LCORL: variants seen among roughly 807,000 people sequenced by gnomAD.
LCORL encodes the protein ligand-dependent nuclear receptor corepressor-like protein.
In LCORL, 41 loss-of-function variants were observed where a neutral mutation model predicts 141.8. That is an observed-to-expected ratio of 0.29 (90% confidence interval 0.23 to 0.38). The LOEUF (loss-of-function observed/expected upper bound fraction) is 0.38. Ranked by LOEUF, LCORL falls within the 10% of genes least tolerant of loss-of-function variation. The probability of loss-of-function intolerance (pLI) is 1.00; values close to 1 mark genes in which losing one functional copy is unlikely to be tolerated. For missense variants in LCORL, 1,759 were observed against 2,035.0 expected, an observed-to-expected ratio of 0.86 and a Z score of 2.61; for synonymous variants, 618 against 694.1, an observed-to-expected ratio of 0.89 and a Z score of 1.72.
At chr4:18,011,685 CT>C (rs1253695826) in intron 1 of LCORL, among the ~76,000 whole-genome samples, 2 of 152,156 alleles carry the variant, frequency 1.3e-5, no homozygotes, top group African/African-American at 4.8e-5. Context: ...CCAAATCCAC[CT>C]ATTTTTATAA....
chr4:18,021,713 G>GCGGCGGCAGCAGCC lies in LCORL; in HGVS notation c.38_39insGGCTGCTGCCGCCG (p.Ala19LeufsTer38). On this transcript the variant is annotated frameshift_variant, in exon 1 of 8. Transcript: ENST00000635767. LOFTEE classifies it high-confidence loss of function. This position sits in a 1 kb window ranked among gnomAD's most constrained non-coding sequence, Gnocchi z 5.5. ...CGGCGGCGGCGGCGGCGGCAGCAGC[G>GCGGCGGCAGCAGCC]GCGGCGGCAGCGGCCATTCTCTCTC... is the stretch of plus-strand genomic sequence containing the variant. 6.6e-7 allele frequency: 1 copy of GCGGCGGCAGCAGCC among 1,525,396 alleles called. No individual in the cohort carries two copies. 94.5% of individuals were successfully genotyped at this position (1,525,396 alleles called of 1,614,324 possible).
chr4:17,977,747 A>G (rs950340288), intron 1 of LCORL, among the ~76,000 whole-genome samples: 3 of 152,194 alleles, frequency 2.0e-5, no homozygotes, highest in Non-Finnish European at 4.4e-5. Flanking sequence ...GGTGTTTCCC[A>G]AAGAACAACA....
chr4:17,875,458 T>C (rs935172165), exon 7 of LCORL: 2 of 1,231,456 alleles, frequency 1.6e-6, no homozygotes, highest in Non-Finnish European at 2.0e-6. Flanking sequence ...TTATATTCAG[T>C]TGGAAAATCA....
In LCORL at chr4:17,858,989, C is replaced by G. The variant is rs1027677180; in HGVS notation, c.5603-13088G>C. Among the ~76,000 whole-genome samples, 7 of 152,202 alleles carry G rather than the reference C, an allele frequency of 4.6e-5. No individual in the cohort carries two copies. In the East Asian group the frequency reaches 1.4e-3, roughly 29 times the overall value. On this transcript the variant is annotated intron_variant, in intron 7 of 7. Coordinates refer to ENST00000635767, the Ensembl canonical transcript of LCORL. ...CTTCTGAAACAATACAAGCAAGAAGCAAGTAGAACAATATCTGTAAAGTAC... is the reference window on the plus strand; with the variant it reads ...CTTCTGAAACAATACAAGCAAGAAGGAAGTAGAACAATATCTGTAAAGTAC...
chr4:17,898,815 C>T (rs1730402055), intron 5 of LCORL, among the ~76,000 whole-genome samples: 1 of 152,064 alleles, frequency 6.6e-6, no homozygotes, highest in Non-Finnish European at 1.5e-5. Context: ...CATATTTGTG[C>T]AGGTGTAATT....
chr4:17,896,251 C>T (rs1380008030), intron 5 of LCORL, among the ~76,000 whole-genome samples: 1 of 152,070 alleles, frequency 6.6e-6, no homozygotes, highest in African/African-American at 2.4e-5. Flanking sequence ...CAATGTCTTT[C>T]TTTCTTTCTT....
chr4:17,888,998 C>G (rs1728692183), intron 5 of LCORL, among the ~76,000 whole-genome samples: 1 of 152,080 alleles, frequency 6.6e-6, no homozygotes, highest in South Asian at 2.1e-4. Flanking sequence ...CTCTCTTAGA[C>G]TTGATATGCT....
chr4:17,948,002 G>A (rs946678655), intron 4 of LCORL, among the ~76,000 whole-genome samples: 2 of 151,964 alleles, frequency 1.3e-5, no homozygotes, highest in African/African-American at 4.8e-5. Context: ...AACAGGAAAT[G>A]AGAAGCAGCA....
At position 17,954,120 on chromosome 4, in the gene LCORL, G is replaced by A. The variant is rs1232619580; in HGVS notation, c.430+7783C>T. ...GGAGCTTGCAGTGAGCCGAGATTGC[G>A]CTACTGCACTCCAGCCTGGGCAACA... is the stretch of plus-strand genomic sequence containing the variant. On this transcript the variant is annotated intron_variant, in intron 4 of 7. Coordinates refer to ENST00000635767, the Ensembl canonical transcript of LCORL. 2.6e-5 allele frequency among the ~76,000 whole-genome samples: 4 copies of A among 152,106 alleles called. No homozygotes were observed. In the East Asian group the frequency reaches 5.8e-4, roughly 22 times the overall value.
At chr4:17,990,549 A>T (rs558463715) in intron 1 of LCORL, among the ~76,000 whole-genome samples, 25 of 151,762 alleles carry the variant, frequency 1.6e-4, no homozygotes, top group Admixed American at 7.9e-4. Flanking sequence ...GGGCTGTCTT[A>T]GAATTCTGCC....
At chr4:17,880,592 T>C in intron 6 of LCORL, 1 of 968,416 alleles carries the variant, frequency 1.0e-6, no homozygotes, top group Non-Finnish European at 1.2e-6. Flanking sequence ...CAAGTCAGTG[T>C]AGTCAGTTTT....
intron 5 of LCORL, among the ~76,000 whole-genome samples, chr4:17,889,897 A>G (rs1728841278): frequency 6.6e-6 from 1 of 152,088 alleles, no homozygotes; most frequent in African/African-American, 2.4e-5. Flanking sequence ...TCTGTTTAAA[A>G]TCAACTCTTG....
intron 4 of LCORL, among the ~76,000 whole-genome samples, chr4:17,949,377 T>C (rs1739376192): frequency 6.6e-6 from 1 of 152,134 alleles, no homozygotes; most frequent in Non-Finnish European, 1.5e-5. Flanking sequence ...CCTCAGGTCA[T>C]GCAGACTTGT....
intron 1 of LCORL, among the ~76,000 whole-genome samples, chr4:17,980,127 A>G (rs1022128891): frequency 8.5e-5 from 13 of 152,196 alleles, no homozygotes; most frequent in African/African-American, 3.1e-4. Context: ...CTCCAGAACT[A>G]TAAGATACTA....
At chr4:17,954,820 A>T (rs1259899538) in intron 4 of LCORL, among the ~76,000 whole-genome samples, 1 of 152,214 alleles carries the variant, frequency 6.6e-6, no homozygotes, top group Non-Finnish European at 1.5e-5. Flanking sequence ...GTCACGAGTG[A>T]TACCTTTCAC....
At chr4:17,983,037 C>A (rs1379612472) in intron 1 of LCORL, among the ~76,000 whole-genome samples, 1 of 152,140 alleles carries the variant, frequency 6.6e-6, no homozygotes, top group African/African-American at 2.4e-5. Context: ...TTCCCCATTA[C>A]TTGTTTTTGT....
At chr4:17,912,630 T>C (rs16898463) in intron 4 of LCORL, 17,136 of 393,982 alleles carry the variant, frequency 0.043, 1,152 homozygotes, top group African/African-American at 0.21. Flanking sequence ...GACCTGGACT[T>C]GATGAGAAAT....
rs1560278109 is a variant in LCORL, at chr4:17,876,707, CAA to C, written c.2281_2282del (p.Leu761GlufsTer3). 2 of 1,230,832 alleles carry C rather than the reference CAA, an allele frequency of 1.6e-6. No individual in the cohort carries two copies. Among genetic ancestry groups the C allele is most frequent in the Non-Finnish European group, 2.0e-6 (2 of 987,096 alleles). 76.2% of individuals were successfully genotyped at this position (1,230,832 alleles called of 1,614,324 possible). A position where few individuals can be genotyped will look rare whatever the true frequency, so the allele number is the denominator to read the frequency against. ...TCAAAAGTCCAGAAACATCATTTCTCAAAAGAGTTTGAGTATTACCTAACTTT... is the reference window on the plus strand; with the variant it reads ...TCAAAAGTCCAGAAACATCATTTCTCAAGAGTTTGAGTATTACCTAACTTT... On this transcript the variant is annotated frameshift_variant, in exon 7 of 8. Transcript: ENST00000635767. LOFTEE classifies it high-confidence loss of function.
At chr4:17,846,786 C>A (rs924689580) in intron 7 of LCORL, among the ~76,000 whole-genome samples, 2 of 152,172 alleles carry the variant, frequency 1.3e-5, no homozygotes, top group Non-Finnish European at 2.9e-5. Flanking sequence ...CTCTGCTTAA[C>A]CAAACCTTTA....
Sources: allele counts gnomAD v4.1 joint callset (sites outside exome capture counted in the v4.1 genomes callset), GRCh38; gene constraint gnomAD v4.1.1; non-coding constraint Gnocchi (gnomAD v3.1); transcripts MANE v1.5; gene names NCBI Gene and HGNC (gene_info 2026-07-23, HGNC 2026-07-21).